Variants in OSBPL10 observed in about 807,000 individuals in gnomAD.
The protein encoded by OSBPL10 is oxysterol binding protein like 10, also known as oxysterol-binding protein-related protein 10.
OSBPL10 carries 49 observed loss-of-function variants against 81.7 expected under a neutral mutation model. The observed-to-expected ratio is 0.60, with a 90% confidence interval of 0.48 to 0.76. OSBPL10 has a LOEUF of 0.76. OSBPL10 is among the 30% of genes least tolerant of loss of function. The pLI, the probability that OSBPL10 is intolerant of heterozygous loss-of-function variation, is 0.00. For missense variants in OSBPL10, 923 were observed against 987.8 expected (o/e 0.93, Z 0.88); for synonymous variants, 419 against 383.6 (o/e 1.09, Z -1.08).
intron 1 of OSBPL10, among the ~76,000 whole-genome samples, chr3:31,924,483 C>T (rs922899240): frequency 6.6e-6 from 1 of 152,132 alleles, no homozygotes; most frequent in Non-Finnish European, 1.5e-5. Context: ...AGCTTTATCC[C>T]TCTCAGGTAA....
At chr3:32,036,052 T>A (rs6789339) in intron 2 of OSBPL10, among the ~76,000 whole-genome samples, 104,079 of 152,072 alleles carry the variant, frequency 0.68, 38,402 homozygotes, top group South Asian at 0.85. Flanking sequence ...TATCACAATT[T>A]AAAAAAATTT....
At chr3:31,869,868 A>G (rs113235110) in intron 3 of OSBPL10, among the ~76,000 whole-genome samples, 1 of 152,260 alleles carries the variant, frequency 6.6e-6, no homozygotes, top group Non-Finnish European at 1.5e-5. Flanking sequence ...ACTAGTATAA[A>G]GTATTAATTA....
At chr3:31,786,817 TC>T (rs1698872601) in intron 4 of OSBPL10, among the ~76,000 whole-genome samples, 1 of 152,204 alleles carries the variant, frequency 6.6e-6, no homozygotes. Context: ...ATGGCACACT[TC>T]TCAGGTAACT....
At chr3:32,058,885 C>T (rs749832571) in intron 1 of OSBPL10, among the ~76,000 whole-genome samples, 5 of 152,150 alleles carry the variant, frequency 3.3e-5, no homozygotes, top group South Asian at 2.1e-4. Flanking sequence ...GATAGCTTCT[C>T]GCTATGTTGC....
At chr3:31,980,254 G>C (rs1575075129) in intron 1 of OSBPL10, among the ~76,000 whole-genome samples, 1 of 152,124 alleles carries the variant, frequency 6.6e-6, no homozygotes, top group East Asian at 1.9e-4. Flanking sequence ...TGCCCGCCTC[G>C]GCCTCCCAAA....
intron 3 of OSBPL10, among the ~76,000 whole-genome samples, chr3:31,833,688 AACACGCACACGCACACGC>A (rs57555641): frequency 1.4e-5 from 2 of 141,536 alleles, no homozygotes; most frequent in Non-Finnish European, 3.0e-5. Flanking sequence ...TTGTAGGGAA[AACACGCACACGCACACGC>A]ACACACACAC....
chr3:32,039,196 C>T (rs1699548074), intron 2 of OSBPL10, among the ~76,000 whole-genome samples: 2 of 150,774 alleles, frequency 1.3e-5, no homozygotes, highest in Middle Eastern at 3.6e-3. Flanking sequence ...CATGGTGGGA[C>T]GTGCCTGTAA....
At chr3:31,736,309 A>AT (rs1409510758) in intron 5 of OSBPL10, among the ~76,000 whole-genome samples, 3 of 150,996 alleles carry the variant, frequency 2.0e-5, no homozygotes, top group Admixed American at 6.5e-5. Context: ...TTTGACTACA[A>AT]TTTTTTTCTT....
At chr3:32,060,061 T>C (rs1699743454) in intron 1 of OSBPL10, among the ~76,000 whole-genome samples, 1 of 151,780 alleles carries the variant, frequency 6.6e-6, no homozygotes, top group Non-Finnish European at 1.5e-5. Flanking sequence ...CGAAATTATC[T>C]TCGTGAAAAG....
At chr3:31,687,010 G>A (rs1006220026) in intron 7 of OSBPL10, among the ~76,000 whole-genome samples, 1 of 152,192 alleles carries the variant, frequency 6.6e-6, no homozygotes, top group Non-Finnish European at 1.5e-5. Flanking sequence ...AAGCTGGGGA[G>A]TGTGAATTTA....
In OSBPL10 at chr3:31,691,051, C is replaced by T. The variant is rs916048174; in HGVS notation, c.1246-6937G>A. 5.9e-5 allele frequency among the ~76,000 whole-genome samples: 9 copies of T among 152,004 alleles called. No homozygotes were observed. The South Asian group carries it at 8.3e-4, about 14-fold the overall frequency. On this transcript the variant is annotated intron_variant, in intron 7 of 11. Transcript: ENST00000396556. Reference sequence around the variant, plus strand: ...TCTGCCTCTGACAGAGGGTGAGTGACGGCCCAGCTGTTCAGACTGATGGCA... The same window carrying T: ...TCTGCCTCTGACAGAGGGTGAGTGATGGCCCAGCTGTTCAGACTGATGGCA...
At chr3:31,916,547 C>G (rs1696764296) in intron 1 of OSBPL10, among the ~76,000 whole-genome samples, 1 of 152,142 alleles carries the variant, frequency 6.6e-6, no homozygotes, top group Non-Finnish European at 1.5e-5. Flanking sequence ...TAAATTGACT[C>G]TTAGTCTTTT....
intron 1 of OSBPL10, among the ~76,000 whole-genome samples, chr3:31,905,929 C>A (rs1335060541): frequency 6.7e-6 from 1 of 150,098 alleles, no homozygotes; most frequent in Non-Finnish European, 1.5e-5. Flanking sequence ...CTCAGATGAA[C>A]AAATATATAT....
rs148659189 is a variant in OSBPL10, at chr3:31,994,366, A to G, written n.298+52125T>C. 9.3e-3 allele frequency among the ~76,000 whole-genome samples: 1,422 copies of G among 152,294 alleles called. 29 individuals are homozygous for G. The highest frequency in any genetic ancestry group is 0.032 in the African/African-American group (1,336 of 41,558). On this transcript the variant is annotated intron_variant and non_coding_transcript_variant, in intron 2 of 3. Coordinates refer to the OSBPL10 transcript ENST00000479173. Reference sequence around the variant, plus strand: ...ATAGAAACTCATAGACTGTCCACCAAAAATAGTGAAATTTATTAAATGTGA... The same window carrying G: ...ATAGAAACTCATAGACTGTCCACCAGAAATAGTGAAATTTATTAAATGTGA...
At chr3:31,673,647 C>A (rs1700381437) in intron 8 of OSBPL10, among the ~76,000 whole-genome samples, 1 of 152,184 alleles carries the variant, frequency 6.6e-6, no homozygotes. Flanking sequence ...AGATAGCCCC[C>A]AACTTACTGT....
chr3:31,988,797 ATG>A lies in OSBPL10; in HGVS notation n.298+57692_298+57693del, dbSNP rs1698979869. The A allele has an allele frequency of 8.3e-6, 4 of 481,474 alleles. No individual in the cohort carries two copies. In the East Asian group the frequency reaches 1.4e-4, roughly 17 times the overall value. The allele number at this position is 481,474 out of a possible 1,614,324, so 29.8% of individuals were successfully genotyped here. On this transcript the variant is annotated intron_variant and non_coding_transcript_variant, in intron 2 of 3. Coordinates refer to the OSBPL10 transcript ENST00000479173. ...GATTTTCTGAGACCTGCTAACAGCC[ATG>A]TGAGTGACCTTGGAAGTAGGTTGTC...
At chr3:31,749,012 G>A (rs962612768) in intron 4 of OSBPL10, among the ~76,000 whole-genome samples, 9 of 152,188 alleles carry the variant, frequency 5.9e-5, no homozygotes, top group African/African-American at 2.2e-4. Context: ...AAGAAGTGGA[G>A]GAGCTCAAGC....
intron 3 of OSBPL10, among the ~76,000 whole-genome samples, chr3:31,875,641 T>G (rs1701451712): frequency 6.6e-6 from 1 of 152,008 alleles, no homozygotes; most frequent in African/African-American, 2.4e-5. Flanking sequence ...AGTAAGACAT[T>G]TCACATGGCC....
At chr3:31,915,425 C>A (rs112936986) in intron 1 of OSBPL10, among the ~76,000 whole-genome samples, 155 of 152,174 alleles carry the variant, frequency 1.0e-3, no homozygotes, top group African/African-American at 3.6e-3. Context: ...GGAATACTAC[C>A]CAGCCATAAA....
Sources: gnomAD v4.1 joint callset for allele counts (sites outside exome capture counted in the v4.1 genomes callset) on GRCh38, gnomAD v4.1.1 for gene constraint, MANE v1.5 for transcripts, NCBI Gene and HGNC (gene_info 2026-07-23, HGNC 2026-07-21) for gene names.